The following RAB38 variants were observed in gnomAD, a reference collection of about 807,000 sequenced individuals.
RAB38 encodes RAB38, member RAS oncogene family.
Under a neutral mutation model 18.4 loss-of-function variants are expected in RAB38, and 15 were observed. The observed-to-expected ratio is 0.82, with a 90% CI of 0.55 to 1.26. The LOEUF (loss-of-function observed/expected upper bound fraction) is 1.26, where lower values mean the gene tolerates loss of function less well. Among genes scored for constraint, RAB38 ranks in the 50% most tolerant of loss-of-function variants. The probability of loss-of-function intolerance (pLI) is 0.00; values close to 1 mark genes in which losing one functional copy is unlikely to be tolerated. For missense variants in RAB38, 294 were observed against 267.4 expected (o/e 1.10, Z -0.69); for synonymous variants, 101 against 104.4 (o/e 0.97, Z 0.20).
the RAB38 span, among the ~76,000 whole-genome samples, chr11:87,873,922 G>GTGTATATATATATATATATA: frequency 1.2e-4 from 12 of 103,098 alleles, no homozygotes; most frequent in Admixed American, 3.7e-4. Flanking sequence ...GTGTGTGTGT[G>GTGTATATATATATATATATA]TATATATATA....
the RAB38 span, among the ~76,000 whole-genome samples, chr11:87,926,859 A>G: frequency 3.3e-5 from 5 of 151,960 alleles, no homozygotes; most frequent in African/African-American, 1.2e-4. Flanking sequence ...ACGTCACCCA[A>G]TTTCCCAGGA....
the RAB38 span, among the ~76,000 whole-genome samples, chr11:88,005,042 T>C: frequency 1.1e-4 from 17 of 151,510 alleles, no homozygotes; most frequent in Non-Finnish European, 1.3e-4. Context: ...TTTCATAAAA[T>C]GTAAATTTTC....
the RAB38 span, among the ~76,000 whole-genome samples, chr11:88,037,507 T>C: frequency 2.6e-5 from 4 of 152,112 alleles, no homozygotes; most frequent in Non-Finnish European, 5.9e-5. Context: ...TGCACTTTTA[T>C]AAACACATCA....
At chr11:87,944,707 G>A in the RAB38 span, among the ~76,000 whole-genome samples, 1 of 152,120 alleles carries the variant, frequency 6.6e-6, no homozygotes, top group Non-Finnish European at 1.5e-5. Flanking sequence ...GAGGGTGGTG[G>A]ATATTTAGAG....
the RAB38 span, among the ~76,000 whole-genome samples, chr11:87,948,221 C>G: frequency 5.9e-5 from 9 of 152,058 alleles, no homozygotes; most frequent in African/African-American, 2.2e-4. Flanking sequence ...TATAAGAATC[C>G]TTGTGATTTT....
the RAB38 span, among the ~76,000 whole-genome samples, chr11:87,834,832 C>A: frequency 6.6e-6 from 1 of 152,128 alleles, no homozygotes; most frequent in African/African-American, 2.4e-5. Flanking sequence ...CTATGAGACA[C>A]AAATGGCATA....
chr11:88,056,431 G>A, the RAB38 span, among the ~76,000 whole-genome samples: 2 of 152,140 alleles, frequency 1.3e-5, no homozygotes, highest in African/African-American at 2.4e-5. Context: ...AATGAGGATT[G>A]TCAGGGAAGT....
At chr11:88,112,240 GATC>G (rs1942483108), downstream of RAB38, among the ~76,000 whole-genome samples, 4 of 152,274 alleles carry the variant, frequency 2.6e-5, no homozygotes, top group African/African-American at 7.2e-5. Flanking sequence ...CTGCAACACA[GATC>G]ATCCTTTTCC....
At chr11:87,827,661 C>T in the RAB38 span, among the ~76,000 whole-genome samples, 1 of 152,102 alleles carries the variant, frequency 6.6e-6, no homozygotes, top group Non-Finnish European at 1.5e-5. Flanking sequence ...ACTGACCTGT[C>T]TCAGAATATT....
chr11:87,971,968 T>A, the RAB38 span, among the ~76,000 whole-genome samples: 13 of 151,898 alleles, frequency 8.6e-5, no homozygotes, highest in African/African-American at 3.1e-4. Flanking sequence ...ACAATCCACC[T>A]GAACTGACTC....
At chr11:88,145,858 G>A (rs1337849346) in intron 2 of RAB38, among the ~76,000 whole-genome samples, 2 of 152,104 alleles carry the variant, frequency 1.3e-5, no homozygotes, top group Non-Finnish European at 2.9e-5. Context: ...TATAAACCAG[G>A]AATTTGGGGG....
the RAB38 span, among the ~76,000 whole-genome samples, chr11:87,838,344 G>A: frequency 2.0e-5 from 3 of 152,132 alleles, no homozygotes; most frequent in Non-Finnish European, 4.4e-5. Context: ...TCGATCTCCT[G>A]ACCTCATGAT....
the RAB38 span, among the ~76,000 whole-genome samples, chr11:87,958,302 A>G: frequency 1.3e-5 from 2 of 152,278 alleles, no homozygotes; most frequent in South Asian, 4.2e-4. Flanking sequence ...TATAAGATGC[A>G]TTTCTTAGCT....
the RAB38 span, among the ~76,000 whole-genome samples, chr11:87,850,175 T>G: frequency 6.6e-6 from 1 of 152,122 alleles, no homozygotes; most frequent in African/African-American, 2.4e-5. Context: ...GTACCAAGTC[T>G]TCATAAAATA....
chr11:88,098,346 T>C, the RAB38 span, among the ~76,000 whole-genome samples: 1 of 151,998 alleles, frequency 6.6e-6, no homozygotes, highest in African/African-American at 2.4e-5. Flanking sequence ...TAAGTCTGTG[T>C]TTATTTGTTA....
the RAB38 span, among the ~76,000 whole-genome samples, chr11:88,032,183 A>G: frequency 6.6e-6 from 1 of 152,132 alleles, no homozygotes; most frequent in Non-Finnish European, 1.5e-5. Context: ...CCATATGTAG[A>G]AAGCTGAAAC....
At chr11:87,863,132 T>G in the RAB38 span, among the ~76,000 whole-genome samples, 1 of 151,826 alleles carries the variant, frequency 6.6e-6, no homozygotes, top group Non-Finnish European at 1.5e-5. Flanking sequence ...AAAGAATGAA[T>G]AGTAGATGAG....
intron 2 of RAB38, among the ~76,000 whole-genome samples, chr11:88,116,825 A>G (rs1338839171): frequency 6.6e-6 from 1 of 152,222 alleles, no homozygotes; most frequent in Admixed American, 6.5e-5. Flanking sequence ...ACCTCCACTC[A>G]TATATTAACT....
the RAB38 span, among the ~76,000 whole-genome samples, chr11:87,957,326 A>G: frequency 6.6e-6 from 1 of 152,056 alleles, no homozygotes; most frequent in African/African-American, 2.4e-5. Flanking sequence ...TAGGGGCAAT[A>G]AGGTAATAAC....
Sources: gnomAD v4.1 joint callset for allele counts (sites outside exome capture counted in the v4.1 genomes callset) on GRCh38, gnomAD v4.1.1 for gene constraint, MANE v1.5 for transcripts, NCBI Gene and HGNC (gene_info 2026-07-23, HGNC 2026-07-21) for gene names.